MSH3: variants seen among roughly 807,000 people sequenced by gnomAD.
MSH3 encodes the protein DNA mismatch repair protein Msh3.
MSH3 carries 106 observed loss-of-function variants against 123.3 expected under a neutral mutation model. That is an observed-to-expected ratio of 0.86 (90% CI 0.73 to 1.01). The LOEUF is 1.01. Ranked by LOEUF, MSH3 falls within the 50% of genes least tolerant of loss-of-function variation. The pLI is 0.00. For missense variants in MSH3, 1,459 were observed against 1,347.6 expected (o/e 1.08, Z -1.29); for synonymous variants, 515 against 481.4 (o/e 1.07, Z -0.91).
chr5:80,812,003 A>C (rs2112051818), intron 19 of MSH3, among the ~76,000 whole-genome samples: 1 of 151,858 alleles, frequency 6.6e-6, no homozygotes, highest in East Asian at 2.0e-4. Context: ...CTTATACCAA[A>C]CTACTTTCCA....
chr5:80,716,709 G>A (rs2112848891), intron 8 of MSH3, among the ~76,000 whole-genome samples: 1 of 152,260 alleles, frequency 6.6e-6, no homozygotes, highest in South Asian at 2.1e-4. Flanking sequence ...TGTCACCTCA[G>A]ACACAACATT....
chr5:80,805,973 T>C (rs1350854612), intron 19 of MSH3, among the ~76,000 whole-genome samples: 1 of 152,212 alleles, frequency 6.6e-6, no homozygotes, highest in Admixed American at 6.5e-5. Flanking sequence ...GTGAATGCTT[T>C]TGTGCCTTAA....
At chr5:80,667,040 A>C (rs574998045) in intron 3 of MSH3, among the ~76,000 whole-genome samples, 71 of 152,278 alleles carry the variant, frequency 4.7e-4, no homozygotes, top group Non-Finnish European at 7.8e-4. Context: ...TCATGACACA[A>C]GTTTTCCTAT....
chr5:80,873,885 A>C (rs994368957), intron 23 of MSH3, among the ~76,000 whole-genome samples: 4 of 152,220 alleles, frequency 2.6e-5, no homozygotes, highest in Non-Finnish European at 5.9e-5. Context: ...CCTGAGATAC[A>C]CTTTGAAAGA....
chr5:80,763,637 A>G (rs1427350473), intron 13 of MSH3, among the ~76,000 whole-genome samples: 2 of 152,258 alleles, frequency 1.3e-5, no homozygotes, highest in Admixed American at 1.3e-4. Context: ...CAGAGATTTG[A>G]AAACAGAAGC....
rs1749188879 is a variant in MSH3 at position 80,654,763 on chromosome 5, T to C, written c.36T>C (p.Ala12=). 3 of 1,603,938 alleles carry C rather than the reference T, an allele frequency of 1.9e-6. No individual in the cohort carries two copies. Among genetic ancestry groups the C allele is most frequent in the Non-Finnish European group, 2.6e-6 (3 of 1,176,408 alleles). The change falls in exon 1 of 24, where the codon GCT becomes GCC. Residue 12 remains alanine (A), a synonymous_variant. Transcript: ENST00000265081. ...SRRKPASGGL[A]ASSSAPARQA... ...GGAAGCCTGCGTCGGGCGGCCTCGC[T>C]GCCTCCAGCTCAGCCCCTGCGAGGC...
chr5:80,693,544 T>G (rs1324994940), intron 8 of MSH3, among the ~76,000 whole-genome samples: 1 of 145,218 alleles, frequency 6.9e-6, no homozygotes, highest in South Asian at 2.1e-4. Flanking sequence ...TAAATATATA[T>G]GCACATGTAT....
At chr5:80,680,209 A>G (rs1488018322) in intron 8 of MSH3, among the ~76,000 whole-genome samples, 2 of 151,978 alleles carry the variant, frequency 1.3e-5, no homozygotes, top group Admixed American at 1.3e-4. Context: ...GCAATGAGCC[A>G]AGATCACACC....
intron 8 of MSH3, among the ~76,000 whole-genome samples, chr5:80,679,768 T>C (rs1393081220): frequency 6.6e-6 from 1 of 152,222 alleles, no homozygotes; most frequent in African/African-American, 2.4e-5. Context: ...CTAACTGGAC[T>C]TAAAGGCATG....
chr5:80,770,790 A>C (rs893234694), intron 15 of MSH3, among the ~76,000 whole-genome samples: 36 of 152,344 alleles, frequency 2.4e-4, no homozygotes, highest in African/African-American at 8.7e-4. Context: ...AAATAAAATA[A>C]AGTTTAAGTC....
chr5:80,693,639 AC>A (rs1480318611), intron 8 of MSH3, among the ~76,000 whole-genome samples: 7 of 151,458 alleles, frequency 4.6e-5, no homozygotes, highest in African/African-American at 1.7e-4. Flanking sequence ...ACACACACAC[AC>A]ACACACACAA....
intron 2 of MSH3, among the ~76,000 whole-genome samples, chr5:80,661,979 G>A (rs1424486621): frequency 1.3e-5 from 2 of 152,114 alleles, no homozygotes; most frequent in East Asian, 1.9e-4. Context: ...CCATTATATC[G>A]TATTTCCACA....
At chr5:80,786,492 C>T (rs553242053) in intron 17 of MSH3, among the ~76,000 whole-genome samples, 24 of 152,170 alleles carry the variant, frequency 1.6e-4, no homozygotes, top group Non-Finnish European at 2.9e-4. Flanking sequence ...TACATTTTCT[C>T]ATTTTCCAGT....
intron 16 of MSH3, among the ~76,000 whole-genome samples, chr5:80,778,273 C>T (rs1384342147): frequency 1.4e-4 from 22 of 152,108 alleles, no homozygotes; most frequent in Non-Finnish European, 1.5e-5. Context: ...CTTTGTAATG[C>T]TTTTTTATTT....
In MSH3 at chr5:80,873,211, G is replaced by T. The variant is rs372732917; in HGVS notation, c.3226G>T (p.Ala1076Ser). ...TTATGGATTAAATGTGGCTAAACTA[G>T]CAGATGTTCCTGGAGAAATTTTGAA... is the stretch of plus-strand genomic sequence containing the variant. ...RSYGLNVAKL[A>S]DVPGEILKKA... The change falls in exon 23 of 24, where the codon GCA (alanine) becomes TCA (serine). Residue 1076 changes from alanine to serine, a missense_variant. Physicochemically the swap from Ala to Ser is moderately conservative, Grantham distance 99. Coordinates refer to ENST00000265081, the MANE Select transcript of MSH3 (RefSeq NM_002439.5). The T allele has an allele frequency of 6.2e-7, 1 of 1,613,872 alleles. No homozygotes were observed. Among genetic ancestry groups the T allele is most frequent in the African/African-American group, 1.3e-5 (1 of 74,916 alleles).
At chr5:80,839,434 C>T (rs1297447297) in intron 20 of MSH3, among the ~76,000 whole-genome samples, 1 of 152,050 alleles carries the variant, frequency 6.6e-6, no homozygotes, top group East Asian at 1.9e-4. Flanking sequence ...TGGGCACGCT[C>T]TATATTTTTT....
At chr5:80,656,701 G>A (rs997521549) in intron 2 of MSH3, among the ~76,000 whole-genome samples, 170 bp downstream of exon 2, 2 of 152,182 alleles carry the variant, frequency 1.3e-5, no homozygotes, top group Non-Finnish European at 2.9e-5. Context: ...TGTATAGGAG[G>A]TTAAGGGGAT....
intron 8 of MSH3, among the ~76,000 whole-genome samples, chr5:80,694,617 GT>G (rs1750427906): frequency 6.6e-6 from 1 of 150,580 alleles, no homozygotes; most frequent in Non-Finnish European, 1.5e-5. Context: ...TTTCCTTTTT[GT>G]TTAGAGAACT....
At chr5:80,847,908 A>G (rs978974708) in intron 20 of MSH3, among the ~76,000 whole-genome samples, 2 of 152,042 alleles carry the variant, frequency 1.3e-5, no homozygotes, top group African/African-American at 4.8e-5. Context: ...GTTCTCAGAG[A>G]TTTCTTTGAA....
Sources: allele counts gnomAD v4.1 joint callset (sites outside exome capture counted in the v4.1 genomes callset), GRCh38; gene constraint gnomAD v4.1.1; transcripts MANE v1.5; gene names NCBI Gene and HGNC (gene_info 2026-07-23, HGNC 2026-07-21).